Variants in WDR4 observed in about 807,000 individuals in gnomAD.
WDR4 encodes the protein WDR4 tRNA N7-guanosine methyltransferase non-catalytic subunit.
A neutral mutation model predicts 48.6 loss-of-function variants in WDR4; 47 were observed. That is an observed-to-expected ratio of 0.97 (90% CI 0.77 to 1.23). The LOEUF (loss-of-function observed/expected upper bound fraction) is 1.23. Ranked by LOEUF, WDR4 falls within the 50% of genes most tolerant of loss-of-function variation. WDR4 has a pLI of 0.00. For missense variants in WDR4, 606 were observed against 551.6 expected (o/e 1.10, Z -0.99); for synonymous variants, 268 against 230.0 (o/e 1.17, Z -1.49).
intron 2 of WDR4, among the ~76,000 whole-genome samples, chr21:42,875,773 C>G (rs575126102): frequency 6.6e-5 from 10 of 152,172 alleles, no homozygotes; most frequent in Admixed American, 2.6e-4. Context: ...AGCCACCATA[C>G]GAAACACTCA....
At position 42,873,583 on chromosome 21, in the gene WDR4, GA is replaced by G; in HGVS notation, c.263del (p.Phe88SerfsTer9). The G allele has an allele frequency of 6.2e-7, 1 of 1,614,190 alleles. No individual in the cohort carries two copies. The highest frequency in any genetic ancestry group is 1.1e-5 in the South Asian group (1 of 91,080). On this transcript the variant is annotated frameshift_variant, in exon 3 of 11. Transcript: ENST00000398208. LOFTEE classifies it high-confidence loss of function. ...TCAGACATTGCCATGGTTTTGTACG[GA>G]AAAGAATCAGACGCTTACTGTCATC... ...LTDDSKRLILFRTKPWQCLSV... is the reference protein window; with the variant it reads ...LTDDSKRLILXRTKPWQCLSV...
chr21:42,848,100 A>T (rs1215642622), downstream of WDR4, among the ~76,000 whole-genome samples: 1 of 152,208 alleles, frequency 6.6e-6, no homozygotes, highest in Non-Finnish European at 1.5e-5. Context: ...CTTATGAAAA[A>T]TTTGAAGCAT....
At chr21:42,858,055 G>A (rs888205132) in intron 6 of WDR4, among the ~76,000 whole-genome samples, 1 of 152,142 alleles carries the variant, frequency 6.6e-6, no homozygotes, top group Non-Finnish European at 1.5e-5. Context: ...TCACGCCACT[G>A]CACTCCAGAC....
chr21:42,879,567 G>A, upstream of WDR4: 1 of 1,562,266 alleles, frequency 6.4e-7, no homozygotes, highest in Non-Finnish European at 8.7e-7. Flanking sequence ...GGTCGGTGAC[G>A]CCAGGCGCAG....
At chr21:42,875,684 G>A (rs6586257) in intron 2 of WDR4, among the ~76,000 whole-genome samples, 91,439 of 152,050 alleles carry the variant, frequency 0.6, 28,273 homozygotes, top group African/African-American at 0.72. Flanking sequence ...TCCAACCGGG[G>A]TAACAGAGAG....
At chr21:42,866,868 G>A (rs142426990) in intron 3 of WDR4, among the ~76,000 whole-genome samples, 100 of 152,290 alleles carry the variant, frequency 6.6e-4, no homozygotes, top group Non-Finnish European at 1.2e-3. Context: ...AAGAGATGTT[G>A]AAAGTGGCAG....
intron 1 of WDR4, among the ~76,000 whole-genome samples, chr21:42,878,080 A>T (rs1412587559): frequency 6.6e-6 from 1 of 151,890 alleles, no homozygotes; most frequent in Non-Finnish European, 1.5e-5. Context: ...TTATGTTCTG[A>T]TACTGTTGAG....
intron 3 of WDR4, among the ~76,000 whole-genome samples, chr21:42,869,720 C>T (rs1346797348): frequency 1.3e-5 from 2 of 152,150 alleles, no homozygotes; most frequent in African/African-American, 4.8e-5. Flanking sequence ...TAAAGAGTTG[C>T]TCTTCTGGCC....
rs183426041 is a variant in WDR4, at chr21:42,856,516, C to T, written c.628-736G>A. Among the ~76,000 whole-genome samples, 388 of 152,178 alleles carry T rather than the reference C, an allele frequency of 2.5e-3. 1 individual carries two copies. Among genetic ancestry groups the T allele is most frequent in the Non-Finnish European group, 4.6e-3 (316 of 68,010 alleles). Reference sequence around the variant, plus strand: ...GACTCCCAGGCCCAGGCAATCCTCCCGCCTCAGCCTCCGAGTAGCTGGGAC... The same window carrying T: ...GACTCCCAGGCCCAGGCAATCCTCCTGCCTCAGCCTCCGAGTAGCTGGGAC... On this transcript the variant is annotated intron_variant, in intron 6 of 10. Transcript: ENST00000398208.
At chr21:42,846,141 A>G (rs1401830811), downstream of WDR4, among the ~76,000 whole-genome samples, 2 of 152,052 alleles carry the variant, frequency 1.3e-5, no homozygotes, top group South Asian at 4.2e-4. Context: ...TAAAAAAAAA[A>G]CAGAAGACAG....
In WDR4 at chr21:42,879,457, C is replaced by G. The variant is rs1198262502; in HGVS notation, c.39G>C (p.Thr13=). Residue 13 remains threonine, a synonymous_variant, in exon 1 of 11, where the codon ACG becomes ACC. Transcript: ENST00000398208. Reference sequence around the variant, plus strand: ...ATCGGCTGCCGCCCCGCACCACCAACGTCTGCCCGCACAACGCCAGTCCCA... The same window carrying G: ...ATCGGCTGCCGCCCCGCACCACCAAGGTCTGCCCGCACAACGCCAGTCCCA... ...GSVGLALCGQ[T]LVVRGGSRFL... The G allele has an allele frequency of 6.2e-7, 1 of 1,613,816 alleles. No individual in the cohort carries two copies. The highest frequency in any genetic ancestry group is 1.7e-5 in the Admixed American group (1 of 60,014).
chr21:42,863,776 C>T (rs2058175385), intron 3 of WDR4, among the ~76,000 whole-genome samples, 180 bp from the exon 4 acceptor site: 1 of 151,890 alleles, frequency 6.6e-6, no homozygotes, highest in African/African-American at 2.4e-5. Context: ...AAGCCAATGC[C>T]TTCGACAAAT....
chr21:42,881,006 C>T (rs575270832), upstream of WDR4, among the ~76,000 whole-genome samples: 76 of 151,666 alleles, frequency 5.0e-4, no homozygotes, highest in African/African-American at 1.6e-3. Flanking sequence ...CCCGAGTTCA[C>T]GCCATTCTCC....
intron 6 of WDR4, among the ~76,000 whole-genome samples, chr21:42,858,056 C>A (rs748485784): frequency 9.9e-5 from 15 of 152,106 alleles, no homozygotes; most frequent in African/African-American, 3.4e-4. Flanking sequence ...CACGCCACTG[C>A]ACTCCAGACT....
chr21:42,871,416 T>C (rs1167066686), intron 3 of WDR4, among the ~76,000 whole-genome samples: 1 of 152,224 alleles, frequency 6.6e-6, no homozygotes, highest in Non-Finnish European at 1.5e-5. Flanking sequence ...CCCTGCCACC[T>C]GCAGAGATCC....
At position 42,873,474 on chromosome 21, in the gene WDR4, T is replaced by C. The variant is rs549380950; in HGVS notation, c.296+77A>G. On this transcript the variant is annotated intron_variant, in intron 3 of 10. Transcript: ENST00000398208. Reference sequence around the variant, plus strand: ...ACTTATCACCCTTATCACCATGTTATGGTCACTATTGCTACAGGCATGCAA... The same window carrying C: ...ACTTATCACCCTTATCACCATGTTACGGTCACTATTGCTACAGGCATGCAA... 190 of 1,574,600 alleles carry C rather than the reference T, an allele frequency of 1.2e-4. No individual in the cohort carries two copies. The African/African-American group carries it at 2.4e-3, about 20-fold the overall frequency.
chr21:42,856,754 G>T (rs912513147), intron 6 of WDR4, among the ~76,000 whole-genome samples: 18 of 151,990 alleles, frequency 1.2e-4, no homozygotes, highest in African/African-American at 4.4e-4. Flanking sequence ...GGTAAGAGTG[G>T]ATGTATGAAT....
chr21:42,888,286 C>CAGTG, the WDR4 span, among the ~76,000 whole-genome samples: 1 of 152,286 alleles, frequency 6.6e-6, no homozygotes, highest in African/African-American at 2.4e-5. Context: ...CAGCCAGGCA[C>CAGTG]AGTGGCTCAC....
intron 6 of WDR4, among the ~76,000 whole-genome samples, chr21:42,858,440 C>A (rs1174488905): frequency 1.3e-5 from 2 of 152,242 alleles, no homozygotes; most frequent in South Asian, 4.1e-4. Context: ...GCCTCCCAAG[C>A]TCCGAGGGAA....
Sources: allele counts gnomAD v4.1 joint callset (sites outside exome capture counted in the v4.1 genomes callset), GRCh38; gene constraint gnomAD v4.1.1; transcripts MANE v1.5; gene names NCBI Gene and HGNC (gene_info 2026-07-23, HGNC 2026-07-21).